The following MARCHF1 variants were observed in gnomAD, a reference collection of about 807,000 sequenced individuals.
The protein encoded by MARCHF1 is membrane associated ring-CH-type finger 1.
In MARCHF1, 40 loss-of-function variants were observed where a neutral mutation model predicts 54.2. The observed-to-expected ratio is 0.74, with a 90% CI of 0.57 to 0.96. The LOEUF (loss-of-function observed/expected upper bound fraction) is 0.96. Ranked by LOEUF, MARCHF1 falls within the 40% of genes least tolerant of loss-of-function variation. The pLI is 0.00. For missense variants in MARCHF1, 586 were observed against 656.5 expected (o/e 0.89, Z 1.17); for synonymous variants, 236 against 236.3 (o/e 1.00, Z 0.01).
In MARCHF1 at chr4:164,106,713, A is replaced by G. The variant is rs556420575; in HGVS notation, c.-248+4875T>C. On this transcript the variant is annotated intron_variant, in intron 2 of 9. Coordinates refer to ENST00000514618, the MANE Select transcript of MARCHF1 (RefSeq NM_001394959.1). ...GCGCACCAGCATGGCACATGTATAC[A>G]TATGTAACTAACCTGCACAATGTGC... Among the ~76,000 whole-genome samples the G allele has an allele frequency of 5.3e-3, 782 of 148,762 alleles. 6 individuals carry two copies. Among genetic ancestry groups the G allele is most frequent in the African/African-American group, 0.019 (738 of 39,820 alleles).
intron 2 of MARCHF1, among the ~76,000 whole-genome samples, chr4:164,107,038 C>T (rs1345004667): frequency 6.6e-6 from 1 of 152,076 alleles, no homozygotes; most frequent in Admixed American, 6.6e-5. Context: ...CTTCATAAAA[C>T]CTAAAGGAGA....
chr4:163,710,879 T>A (rs553248947), intron 4 of MARCHF1, among the ~76,000 whole-genome samples: 29 of 152,264 alleles, frequency 1.9e-4, no homozygotes, highest in African/African-American at 5.3e-4. Context: ...TTACTTTTTT[T>A]AAAGCAATAT....
intron 4 of MARCHF1, among the ~76,000 whole-genome samples, chr4:163,746,992 C>T (rs945160722): frequency 1.1e-4 from 17 of 152,264 alleles, no homozygotes; most frequent in Admixed American, 9.2e-4. Context: ...GCTGGGTGAA[C>T]TTGATCAGCA....
chr4:164,256,100 GGTCAAC>G (rs1733271959), intron 1 of MARCHF1, among the ~76,000 whole-genome samples: 1 of 151,446 alleles, frequency 6.6e-6, no homozygotes, highest in Non-Finnish European at 1.5e-5. Context: ...TGACCAGCCT[GGTCAAC>G]ATAGTGGTAC....
At chr4:164,289,881 C>G in intron 1 of MARCHF1, among the ~76,000 whole-genome samples, 1 of 152,008 alleles carries the variant, frequency 6.6e-6, no homozygotes, top group East Asian at 1.9e-4. Context: ...TTTCAAGCTT[C>G]ATCTCTACCA....
chr4:164,074,402 T>C (rs1185163771), intron 2 of MARCHF1, among the ~76,000 whole-genome samples: 1 of 152,218 alleles, frequency 6.6e-6, no homozygotes, highest in Admixed American at 6.5e-5. Context: ...TACACGATTT[T>C]AGAGTAAAAA....
chr4:163,986,468 G>A (rs1257982994), intron 3 of MARCHF1, among the ~76,000 whole-genome samples: 1 of 151,372 alleles, frequency 6.6e-6, no homozygotes, highest in Non-Finnish European at 1.5e-5. Context: ...GTTTCACCGA[G>A]TTAGACCAGG....
chr4:163,935,779 G>C (rs942197872), intron 3 of MARCHF1, among the ~76,000 whole-genome samples: 7 of 140,600 alleles, frequency 5.0e-5, no homozygotes, highest in Non-Finnish European at 3.0e-5. Flanking sequence ...AGTTACATAT[G>C]TATACATGTG....
chr4:164,250,006 T>C (rs1733077467), intron 1 of MARCHF1, among the ~76,000 whole-genome samples: 1 of 152,112 alleles, frequency 6.6e-6, no homozygotes, highest in African/African-American at 2.4e-5. Context: ...AACCTCATGA[T>C]AGATGGTGAA....
At chr4:164,229,022 G>A (rs549725502) in intron 1 of MARCHF1, among the ~76,000 whole-genome samples, 14 of 152,230 alleles carry the variant, frequency 9.2e-5, no homozygotes, top group Admixed American at 2.0e-4. Flanking sequence ...GCGAAAATTG[G>A]ATGTTAAAAG....
chr4:163,653,319 G>A (rs1579161033), intron 5 of MARCHF1, among the ~76,000 whole-genome samples: 1 of 151,740 alleles, frequency 6.6e-6, no homozygotes, highest in Non-Finnish European at 1.5e-5. Flanking sequence ...CAGGGGCCAG[G>A]TTATGTATAT....
chr4:163,556,921 T>C (rs1333255026), intron 8 of MARCHF1, among the ~76,000 whole-genome samples: 1 of 151,690 alleles, frequency 6.6e-6, no homozygotes, highest in African/African-American at 2.4e-5. Context: ...TCTTTTGGGG[T>C]ATAGAAATTT....
intron 7 of MARCHF1, among the ~76,000 whole-genome samples, chr4:163,597,796 G>C (rs1201135288): frequency 3.3e-5 from 5 of 152,102 alleles, no homozygotes; most frequent in Non-Finnish European, 7.4e-5. Flanking sequence ...GTTGTGTCTA[G>C]TTCCCTTCCT....
At chr4:163,846,764 C>T (rs1749495476) in intron 4 of MARCHF1, among the ~76,000 whole-genome samples, 1 of 151,922 alleles carries the variant, frequency 6.6e-6, no homozygotes, top group African/African-American at 2.4e-5. Flanking sequence ...GCATTTCTAA[C>T]AAGCAGAAAA....
intron 1 of MARCHF1, among the ~76,000 whole-genome samples, chr4:164,125,228 G>A (rs1756154007): frequency 1.3e-5 from 2 of 151,998 alleles, no homozygotes; most frequent in Admixed American, 6.6e-5. Flanking sequence ...ATATACTTAT[G>A]GAGAAAACTT....
chr4:164,282,521 C>G (rs1223967923), intron 1 of MARCHF1, among the ~76,000 whole-genome samples: 1 of 150,838 alleles, frequency 6.6e-6, no homozygotes, highest in Non-Finnish European at 1.5e-5. Context: ...TACTACTTTC[C>G]CACCATTCAT....
At chr4:164,379,179 A>G (rs1372972080) in intron 1 of MARCHF1, among the ~76,000 whole-genome samples, 1 of 152,216 alleles carries the variant, frequency 6.6e-6, no homozygotes, top group African/African-American at 2.4e-5. Context: ...ATAAATTGGA[A>G]TCTATAGAAA....
chr4:164,296,856 G>T (rs1734424315), intron 1 of MARCHF1, among the ~76,000 whole-genome samples: 1 of 152,142 alleles, frequency 6.6e-6, no homozygotes, highest in Admixed American at 6.5e-5. Context: ...AAGAAGCCAG[G>T]AAAAAGAGTA....
chr4:163,679,328 A>AT (rs1337795252), intron 5 of MARCHF1, among the ~76,000 whole-genome samples: 4 of 151,978 alleles, frequency 2.6e-5, no homozygotes, highest in Admixed American at 6.6e-5. Context: ...TTCTGCGTCC[A>AT]TTTTTTTCCT....
Sources: gnomAD v4.1 joint callset for allele counts (sites outside exome capture counted in the v4.1 genomes callset) on GRCh38, gnomAD v4.1.1 for gene constraint, MANE v1.5 for transcripts, NCBI Gene and HGNC (gene_info 2026-07-23, HGNC 2026-07-21) for gene names.